The following LGSN variants were observed in gnomAD, a reference collection of about 807,000 sequenced individuals.
LGSN encodes lengsin, lens protein with glutamine synthetase domain.
In LGSN, 21 loss-of-function variants were observed where a neutral mutation model predicts 19.5. The ratio of observed to expected loss-of-function variants is 1.07; its 90% CI spans 0.76 to 1.55. LGSN has a LOEUF of 1.55. LGSN is among the 40% of genes most tolerant of loss of function. LGSN has a pLI of 0.00. For synonymous variants in LGSN, 257 were observed against 215.6 expected, an observed-to-expected ratio of 1.19 and a Z score of -1.68; for missense variants, 673 against 608.5, an observed-to-expected ratio of 1.11 and a Z score of -1.12.
the LGSN span, among the ~76,000 whole-genome samples, chr6:63,392,839 T>C: frequency 6.6e-6 from 1 of 151,658 alleles, no homozygotes; most frequent in South Asian, 2.1e-4. Flanking sequence ...TGATTGGCAG[T>C]TGTGCCAATC....
intron 2 of LGSN, among the ~76,000 whole-genome samples, chr6:63,287,161 A>G (rs1767570982): frequency 6.6e-6 from 1 of 152,162 alleles, no homozygotes; most frequent in Non-Finnish European, 1.5e-5. Context: ...AAAACAAATT[A>G]CTGTTTCCAC....
At chr6:63,407,220 C>A in the LGSN span, among the ~76,000 whole-genome samples, 1 of 151,732 alleles carries the variant, frequency 6.6e-6, no homozygotes, top group Non-Finnish European at 1.5e-5. Context: ...GGCAGAGACA[C>A]AACCAAAAAA....
At chr6:63,287,572 G>T (rs567736295) in intron 2 of LGSN, among the ~76,000 whole-genome samples, 15 of 152,086 alleles carry the variant, frequency 9.9e-5, no homozygotes, top group African/African-American at 3.6e-4. Context: ...GCTGGGTGTG[G>T]TGTCATGCGC....
the LGSN span, among the ~76,000 whole-genome samples, chr6:63,365,135 A>T: frequency 6.6e-5 from 10 of 152,324 alleles, no homozygotes; most frequent in South Asian, 2.1e-4. Flanking sequence ...CAAAAAATCA[A>T]TGAATCCAGG....
At chr6:63,419,855 T>G in the LGSN span, among the ~76,000 whole-genome samples, 1 of 113,358 alleles carries the variant, frequency 8.8e-6, no homozygotes, top group South Asian at 3.1e-4. Context: ...CACTCTAGCC[T>G]GGGCGTAAGA....
At chr6:63,430,365 G>A in the LGSN span, among the ~76,000 whole-genome samples, 1 of 152,186 alleles carries the variant, frequency 6.6e-6, no homozygotes, top group Admixed American at 6.6e-5. Flanking sequence ...ATCTCCATAA[G>A]TGGATTCATC....
intron 1 of LGSN, among the ~76,000 whole-genome samples, chr6:63,309,158 C>T (rs931644617): frequency 3.9e-5 from 6 of 152,118 alleles, no homozygotes; most frequent in Non-Finnish European, 8.8e-5. Context: ...TCTGGCCGGG[C>T]GCGGTGGCTC....
At chr6:63,437,209 A>AGGAAAG in the LGSN span, among the ~76,000 whole-genome samples, 1 of 147,880 alleles carries the variant, frequency 6.8e-6, no homozygotes, top group Admixed American at 6.8e-5. Context: ...ACAGAAAGAG[A>AGGAAAG]GGAAAGGGAA....
upstream of LGSN, among the ~76,000 whole-genome samples, chr6:63,323,517 G>A (rs1769139044): frequency 6.7e-6 from 1 of 148,564 alleles, no homozygotes; most frequent in Non-Finnish European, 1.5e-5. Context: ...TCTACTTATT[G>A]TGATAATATC....
At chr6:63,321,420 TA>T (rs1326661018), upstream of LGSN, among the ~76,000 whole-genome samples, 1 of 152,166 alleles carries the variant, frequency 6.6e-6, no homozygotes, top group African/African-American at 2.4e-5. Flanking sequence ...GGACATGTTT[TA>T]AAAAAATCAT....
the LGSN span, among the ~76,000 whole-genome samples, chr6:63,340,361 A>T: frequency 6.6e-6 from 1 of 152,050 alleles, no homozygotes; most frequent in African/African-American, 2.4e-5. Flanking sequence ...GATTTTCTAC[A>T]TGTTTCCCCA....
At chr6:63,525,115 T>C in the LGSN span, among the ~76,000 whole-genome samples, 2 of 152,344 alleles carry the variant, frequency 1.3e-5, no homozygotes, top group African/African-American at 2.4e-5. Context: ...CAAGGCTGTT[T>C]CAAAGGTGAA....
the LGSN span, among the ~76,000 whole-genome samples, chr6:63,465,967 G>T: frequency 6.6e-6 from 1 of 152,290 alleles, no homozygotes; most frequent in East Asian, 1.9e-4. Context: ...TCATTATCGG[G>T]ATTGCCTTGT....
the LGSN span, among the ~76,000 whole-genome samples, chr6:63,345,335 A>G: frequency 4.4e-3 from 668 of 152,282 alleles, 3 homozygotes; most frequent in African/African-American, 0.015. Context: ...ATAACCTCAC[A>G]TCTGTGTCAG....
At chr6:63,546,003 T>C in the LGSN span, among the ~76,000 whole-genome samples, 1 of 152,208 alleles carries the variant, frequency 6.6e-6, no homozygotes, top group Non-Finnish European at 1.5e-5. Flanking sequence ...TATTATATGA[T>C]CCAGCAATCC....
At chr6:63,417,709 G>A in the LGSN span, among the ~76,000 whole-genome samples, 5 of 152,174 alleles carry the variant, frequency 3.3e-5, no homozygotes, top group African/African-American at 1.2e-4. Flanking sequence ...TAAAGTAAAT[G>A]TGTAGCTGTT....
At chr6:63,368,010 C>T in the LGSN span, among the ~76,000 whole-genome samples, 50 of 151,254 alleles carry the variant, frequency 3.3e-4, no homozygotes, top group African/African-American at 1.2e-3. Flanking sequence ...TTAAGGGGTA[C>T]AGCACACCAA....
the LGSN span, among the ~76,000 whole-genome samples, chr6:63,431,660 TTTATG>T: frequency 7.4e-6 from 1 of 135,138 alleles, no homozygotes; most frequent in East Asian, 2.2e-4. Context: ...AATTAGATCA[TTTATG>T]TTAAGTGATT....
chr6:63,281,299 A>T, intron 3 of LGSN, 79 bp from the exon 4 acceptor site: 2 of 231,960 alleles, frequency 8.6e-6, no homozygotes, highest in Middle Eastern at 1.2e-3. Flanking sequence ...AGCCTTGCTA[A>T]TGAAAATATA....
Sources: gnomAD v4.1 joint callset for allele counts (sites outside exome capture counted in the v4.1 genomes callset) on GRCh38, gnomAD v4.1.1 for gene constraint, MANE v1.5 for transcripts, NCBI Gene and HGNC (gene_info 2026-07-23, HGNC 2026-07-21) for gene names.